CYTH1: variants seen among roughly 807,000 people sequenced by gnomAD.
CYTH1 encodes cytohesin-1.
A neutral mutation model predicts 61.8 loss-of-function variants in CYTH1; 18 were observed. That is an observed-to-expected ratio of 0.29 (90% CI 0.20 to 0.43). The LOEUF is 0.43. Among genes scored for constraint, CYTH1 ranks in the 20% least tolerant of loss-of-function variants. The pLI, the probability that CYTH1 is intolerant of heterozygous loss-of-function variation, is 1.00. For missense variants in CYTH1, 336 were observed against 510.5 expected (o/e 0.66, Z 3.29); for synonymous variants, 174 against 184.3 (o/e 0.94, Z 0.45).
At chr17:78,701,804 CT>C (rs1243994069) in intron 5 of CYTH1, 53 bp from the exon 6 acceptor site, 1 of 1,570,860 alleles carries the variant, frequency 6.4e-7, no homozygotes, top group African/African-American at 1.4e-5. Context: ...GGCACCAACA[CT>C]GAGAATCTCC....
chr17:78,709,551 A>G, intron 2 of CYTH1, 99 bp downstream of exon 2: 1 of 1,253,554 alleles, frequency 8.0e-7, no homozygotes, highest in Non-Finnish European at 1.2e-6. Flanking sequence ...GCAGGTCAAA[A>G]GTGTCTTGAG....
In CYTH1 at chr17:78,675,274, G is replaced by A. The variant is rs933301475; in HGVS notation, c.*817C>T. On this transcript the variant is annotated 3_prime_UTR_variant, in exon 14 of 14. Coordinates refer to ENST00000446868, the MANE Select transcript of CYTH1 (RefSeq NM_004762.6). The stretch of plus-strand genomic sequence containing the variant: ...AGGAGGAAAATAACGTAAGCGTCCA[G>A]TCAGCTCTCTCCTCTCCTCGGCGCT... 2 of 152,306 alleles carry A rather than the reference G, an allele frequency of 1.3e-5. No individual in the cohort carries two copies. Among genetic ancestry groups the A allele is most frequent in the African/African-American group, 4.8e-5 (2 of 41,470 alleles). 9.4% of individuals were successfully genotyped at this position (152,306 alleles called of 1,614,324 possible). A position where few individuals can be genotyped will look rare whatever the true frequency, so the allele number is the denominator to read the frequency against.
chr17:78,713,202 C>T (rs1470363695), intron 1 of CYTH1, among the ~76,000 whole-genome samples: 2 of 151,864 alleles, frequency 1.3e-5, no homozygotes, highest in Non-Finnish European at 2.9e-5. Flanking sequence ...ATGCGTACAC[C>T]GTTCTACAGA....
At position 78,737,602 on chromosome 17, in the gene CYTH1, C is replaced by CAA. The variant is rs34735933; in HGVS notation, c.23-27872_23-27871dup. Among the ~76,000 whole-genome samples the CAA allele has an allele frequency of 5.7e-3, 598 of 104,936 alleles. 6 individuals carry two copies. The highest frequency in any genetic ancestry group is 0.018 in the African/African-American group (548 of 30,130). 68.8% of individuals were successfully genotyped at this position (104,936 alleles called of 152,430 possible). A position where few individuals can be genotyped will look rare whatever the true frequency, so the allele number is the denominator to read the frequency against. On this transcript the variant is annotated intron_variant, in intron 1 of 13. Transcript: ENST00000446868. Reference sequence around the variant, plus strand: ...AAAAGCAGAAAGCAGATATTAGAGGCAAAAAAAAAAAAAAAATCCAAGGGC... The same window carrying CAA: ...AAAAGCAGAAAGCAGATATTAGAGGCAAAAAAAAAAAAAAAAAATCCAAGGGC...
intron 1 of CYTH1, among the ~76,000 whole-genome samples, chr17:78,770,893 C>T (rs1444872433): frequency 6.6e-6 from 1 of 151,938 alleles, no homozygotes; most frequent in African/African-American, 2.4e-5. Flanking sequence ...TTTGGGAGGC[C>T]AAGGCAGGCA....
At position 78,676,033 on chromosome 17, in the gene CYTH1, T is replaced by C; in HGVS notation, c.*58A>G. On this transcript the variant is annotated 3_prime_UTR_variant, in exon 14 of 14. Coordinates refer to ENST00000446868, the MANE Select transcript of CYTH1 (RefSeq NM_004762.6). The stretch of plus-strand genomic sequence containing the variant: ...CTCGGCAGCAGTGCATCCATGGAGG[T>C]GCGGGAGAAGAGCAGGAGCTCCAAG... 6.4e-7 allele frequency: 1 copy of C among 1,563,358 alleles called. No homozygotes were observed. The highest frequency in any genetic ancestry group is 8.7e-7 in the Non-Finnish European group (1 of 1,152,732).
chr17:78,713,834 A>C (rs2093158174), intron 1 of CYTH1, among the ~76,000 whole-genome samples: 1 of 150,758 alleles, frequency 6.6e-6, no homozygotes, highest in South Asian at 2.1e-4. Context: ...CTAAACTGGA[A>C]ACTCTAAATC....
chr17:78,782,156 C>G, intron 1 of CYTH1, 46 bp downstream of exon 1: 1 of 1,336,514 alleles, frequency 7.5e-7, no homozygotes, highest in Non-Finnish European at 9.7e-7. Context: ...CCGGAGGGGA[C>G]TGGGGGACAG....
At chr17:78,708,141 T>C in intron 3 of CYTH1, 56 bp downstream of exon 3, 1 of 1,570,632 alleles carries the variant, frequency 6.4e-7, no homozygotes, top group Non-Finnish European at 8.8e-7. Flanking sequence ...AATTAAGGCC[T>C]GGGTGCTTTA....
At chr17:78,681,185 A>G (rs1034874166) in intron 11 of CYTH1, 143 bp from the exon 12 acceptor site, 6 of 744,826 alleles carry the variant, frequency 8.1e-6, no homozygotes, top group Non-Finnish European at 1.3e-5. Context: ...AACTCCTTAC[A>G]TTCTAAACAA....
At chr17:78,734,000 A>G (rs981836093) in intron 1 of CYTH1, among the ~76,000 whole-genome samples, 3 of 152,224 alleles carry the variant, frequency 2.0e-5, no homozygotes, top group Non-Finnish European at 4.4e-5. Flanking sequence ...CTGTAATCCC[A>G]GCACTTTGGG....
intron 1 of CYTH1, among the ~76,000 whole-genome samples, chr17:78,735,309 C>T (rs544439383): frequency 1.4e-4 from 21 of 152,278 alleles, no homozygotes; most frequent in African/African-American, 5.1e-4. Context: ...TGAAGCTAGG[C>T]TCACCCGGAA....
At chr17:78,775,693 G>A (rs1360686147) in intron 1 of CYTH1, among the ~76,000 whole-genome samples, 2 of 152,096 alleles carry the variant, frequency 1.3e-5, no homozygotes, top group African/African-American at 2.4e-5. Flanking sequence ...ATTTGCAGAC[G>A]TCTCTTCCTT....
At chr17:78,698,121 A>G (rs137906827) in intron 9 of CYTH1, 148 bp downstream of exon 9, 1 of 703,004 alleles carries the variant, frequency 1.4e-6, no homozygotes, top group Non-Finnish European at 2.5e-6. Context: ...GTGTGTGAAC[A>G]TGCATGCGCG....
At chr17:78,682,642 C>T (rs1455022775) in intron 11 of CYTH1, among the ~76,000 whole-genome samples, 1 of 152,242 alleles carries the variant, frequency 6.6e-6, no homozygotes, top group Non-Finnish European at 1.5e-5. Context: ...ACCCTCACAC[C>T]TGGCTGCTAT....
At chr17:78,683,663 T>G (rs2092786598) in intron 11 of CYTH1, among the ~76,000 whole-genome samples, 1 of 152,206 alleles carries the variant, frequency 6.6e-6, no homozygotes, top group African/African-American at 2.4e-5. Flanking sequence ...CAACTGGGCC[T>G]AGAGTCCCTC....
intron 1 of CYTH1, among the ~76,000 whole-genome samples, chr17:78,722,272 C>G (rs1029564530): frequency 2.6e-5 from 4 of 152,190 alleles, no homozygotes; most frequent in Non-Finnish European, 4.4e-5. Context: ...AGTGACAACA[C>G]CTGATATAGC....
In CYTH1 at chr17:78,675,178, G is replaced by T. The variant is rs530589171; in HGVS notation, c.*913C>A. On this transcript the variant is annotated 3_prime_UTR_variant, in exon 14 of 14. Transcript: ENST00000446868. ...CCCGATAACCTTCCTCACAGTTTTG[G>T]TTATTAGGTATTTAGCTCAAGGAAA... 6.6e-6 allele frequency: 1 copy of T among 152,334 alleles called. No homozygotes were observed. Among genetic ancestry groups the T allele is most frequent in the East Asian group, 1.9e-4 (1 of 5,178 alleles). The allele number at this position is 152,334 out of a possible 1,614,324, so 9.4% of individuals were successfully genotyped here. A position where few individuals can be genotyped will look rare whatever the true frequency, so the allele number is the denominator to read the frequency against.
intron 1 of CYTH1, among the ~76,000 whole-genome samples, chr17:78,721,588 G>C (rs1412927511): frequency 6.6e-6 from 1 of 152,208 alleles, no homozygotes; most frequent in Non-Finnish European, 1.5e-5. Context: ...TCTTCTCAGT[G>C]TTGGAGCCGT....
Sources: allele counts gnomAD v4.1 joint callset (sites outside exome capture counted in the v4.1 genomes callset), GRCh38; gene constraint gnomAD v4.1.1; transcripts MANE v1.5; gene names NCBI Gene and HGNC (gene_info 2026-07-23, HGNC 2026-07-21).